ADAMTS16: variants seen among roughly 807,000 people sequenced by gnomAD.
ADAMTS16 encodes ADAM metallopeptidase with thrombospondin type 1 motif 16, also known as A disintegrin and metalloproteinase with thrombospondin motifs 16.
In ADAMTS16, 94 loss-of-function variants were observed where a neutral mutation model predicts 145.8. That is an observed-to-expected ratio of 0.64 (90% CI 0.55 to 0.77). The LOEUF is 0.77. ADAMTS16 is among the 30% of genes least tolerant of loss of function. The pLI is 0.00. For missense variants in ADAMTS16, 1,585 were observed against 1,591.5 expected, an observed-to-expected ratio of 1.00 and a Z score of 0.07; for synonymous variants, 659 against 604.3, an observed-to-expected ratio of 1.09 and a Z score of -1.33.
intron 18 of ADAMTS16, among the ~76,000 whole-genome samples, chr5:5,278,900 CCAAT>C (rs1560984341): frequency 6.6e-6 from 1 of 151,314 alleles, no homozygotes; most frequent in Non-Finnish European, 1.5e-5. Flanking sequence ...GGGGAAAAAA[CCAAT>C]AAAAAACCAA....
At chr5:5,169,558 T>C (rs1037709243) in intron 3 of ADAMTS16, among the ~76,000 whole-genome samples, 23 of 152,224 alleles carry the variant, frequency 1.5e-4, no homozygotes, top group African/African-American at 5.5e-4. Context: ...CTGGTCCTCC[T>C]CTGTTGCATC....
chr5:5,146,726 C>T (rs1323631734), intron 3 of ADAMTS16, among the ~76,000 whole-genome samples: 3 of 152,152 alleles, frequency 2.0e-5, no homozygotes, highest in Non-Finnish European at 4.4e-5. Context: ...GTATAAGAAC[C>T]GCTGGCCAAA....
chr5:5,207,854 C>T (rs1736170983), intron 9 of ADAMTS16, among the ~76,000 whole-genome samples: 1 of 151,870 alleles, frequency 6.6e-6, no homozygotes, highest in Admixed American at 6.6e-5. Flanking sequence ...TTGAACAGAC[C>T]TTGCAGACCT....
rs77452261 is a variant in ADAMTS16, at chr5:5,186,957, G to A, written c.963+706G>A. 5.2e-3 allele frequency among the ~76,000 whole-genome samples: 791 copies of A among 152,296 alleles called. 6 individuals are homozygous for A. The highest frequency in any genetic ancestry group is 0.024 in the East Asian group (126 of 5,178). On this transcript the variant is annotated intron_variant, in intron 5 of 22. Coordinates refer to ENST00000274181, the MANE Select transcript of ADAMTS16 (RefSeq NM_139056.4). ...CCCCTGAATGTGCCCATCTTTCCAT[G>A]ATGTCATGTGATTACTATGGCTAGT...
At chr5:5,249,810 A>C (rs1737566437) in intron 17 of ADAMTS16, among the ~76,000 whole-genome samples, 2 of 152,184 alleles carry the variant, frequency 1.3e-5, no homozygotes. Flanking sequence ...GTCCAGGAAT[A>C]ATCATGTCAC....
chr5:5,208,704 A>G (rs956268612), intron 9 of ADAMTS16, among the ~76,000 whole-genome samples: 1 of 152,206 alleles, frequency 6.6e-6, no homozygotes, highest in African/African-American at 2.4e-5. Context: ...GAAATAGAGT[A>G]TGTTTTATTT....
intron 13 of ADAMTS16, among the ~76,000 whole-genome samples, chr5:5,236,583 TAAG>T (rs1199009221): frequency 6.8e-6 from 1 of 147,908 alleles, no homozygotes; most frequent in Non-Finnish European, 1.5e-5. Flanking sequence ...ATTTTATCTG[TAAG>T]AATTTTGTGT....
At chr5:5,221,260 T>A (rs1182275291) in intron 10 of ADAMTS16, among the ~76,000 whole-genome samples, 7 of 152,228 alleles carry the variant, frequency 4.6e-5, no homozygotes, top group South Asian at 4.2e-4. Flanking sequence ...ACATTTTTTT[T>A]AATCTCTAAA....
chr5:5,147,079 C>T (rs1817433), intron 3 of ADAMTS16, among the ~76,000 whole-genome samples: 2 of 152,186 alleles, frequency 1.3e-5, no homozygotes, highest in South Asian at 2.1e-4. Context: ...ACGCTAGAGC[C>T]GGGGGCTTAT....
intron 3 of ADAMTS16, among the ~76,000 whole-genome samples, chr5:5,175,531 T>C (rs1343329674): frequency 6.6e-6 from 1 of 152,170 alleles, no homozygotes; most frequent in Non-Finnish European, 1.5e-5. Flanking sequence ...TTAAGTTGCA[T>C]GCCCCCAAGT....
intron 18 of ADAMTS16, 65 bp downstream of exon 18, chr5:5,262,848 A>G (rs925799171): frequency 4.8e-5 from 76 of 1,589,954 alleles, no homozygotes; most frequent in Non-Finnish European, 6.2e-5. Context: ...CGAGTCTTGC[A>G]GCTCCTGATT....
intron 3 of ADAMTS16, among the ~76,000 whole-genome samples, chr5:5,179,102 TAA>T (rs1462883664): frequency 6.6e-6 from 1 of 150,668 alleles, no homozygotes; most frequent in African/African-American, 2.5e-5. Context: ...TTAAGTATAT[TAA>T]GTCTTACAAA....
In ADAMTS16 at chr5:5,316,081, T is replaced by G. The variant is rs530912718; in HGVS notation, c.3412-2053T>G. 1.3e-5 allele frequency among the ~76,000 whole-genome samples: 2 copies of G among 152,310 alleles called. 1 individual carries two copies. Among genetic ancestry groups the G allele is most frequent in the African/African-American group, 4.8e-5 (2 of 41,584 alleles). The stretch of plus-strand genomic sequence containing the variant: ...ATCACTGAATCCCATCCCCAGCGAT[T>G]TAAGTCACTTCGTAAAGCTCTGATT... On this transcript the variant is annotated intron_variant, in intron 21 of 22. Coordinates refer to ENST00000274181, the MANE Select transcript of ADAMTS16 (RefSeq NM_139056.4).
chr5:5,247,016 C>G (rs1278224219), intron 17 of ADAMTS16, among the ~76,000 whole-genome samples: 1 of 152,196 alleles, frequency 6.6e-6, no homozygotes, highest in Non-Finnish European at 1.5e-5. Context: ...CTGTCTTCCT[C>G]TGAGTTCCAT....
chr5:5,215,702 A>ATATATATATATGTGG (rs775440663), intron 10 of ADAMTS16, among the ~76,000 whole-genome samples: 1 of 125,112 alleles, frequency 8.0e-6, no homozygotes, highest in Non-Finnish European at 1.6e-5. Flanking sequence ...CATTACATAT[A>ATATATATATATGTGG]TATATATATA....
chr5:5,238,471 T>C (rs1453309818), intron 14 of ADAMTS16, among the ~76,000 whole-genome samples: 4 of 152,240 alleles, frequency 2.6e-5, no homozygotes, highest in Non-Finnish European at 5.9e-5. Flanking sequence ...TCTAAAATTT[T>C]AATTTTAGAA....
At chr5:5,303,166 C>G (rs923713562) in intron 18 of ADAMTS16, 102 bp from the exon 19 acceptor site, 1 of 1,254,996 alleles carries the variant, frequency 8.0e-7, no homozygotes, top group South Asian at 1.7e-5. Flanking sequence ...CACACACGAC[C>G]GTGGCTGGGA....
At chr5:5,299,691 C>CTT (rs1260653749) in intron 18 of ADAMTS16, among the ~76,000 whole-genome samples, 1 of 152,116 alleles carries the variant, frequency 6.6e-6, no homozygotes, top group Non-Finnish European at 1.5e-5. Context: ...AAGGAGCACC[C>CTT]TGGGAGGGAG....
intron 3 of ADAMTS16, among the ~76,000 whole-genome samples, chr5:5,172,105 C>T (rs1191532579): frequency 6.6e-6 from 1 of 151,964 alleles, no homozygotes; most frequent in Admixed American, 6.5e-5. Context: ...ATGTCTCCTT[C>T]GTAATCTCTA....
Sources: allele counts gnomAD v4.1 joint callset (sites outside exome capture counted in the v4.1 genomes callset), GRCh38; gene constraint gnomAD v4.1.1; transcripts MANE v1.5; gene names NCBI Gene and HGNC (gene_info 2026-07-23, HGNC 2026-07-21).